Variants in CDH12 observed in about 807,000 individuals in gnomAD.
CDH12 encodes the protein cadherin-12.
Under a neutral mutation model 74.1 loss-of-function variants are expected in CDH12, and 41 were observed. That is an observed-to-expected ratio of 0.55 (90% CI 0.43 to 0.72). The LOEUF is 0.72. CDH12 is among the 30% of genes least tolerant of loss of function. The pLI is 0.00. For missense variants in CDH12, 945 were observed against 977.2 expected (o/e 0.97, Z 0.44); for synonymous variants, 399 against 355.0 (o/e 1.12, Z -1.39).
At chr5:22,829,027 G>C (rs139088264) in intron 1 of CDH12, among the ~76,000 whole-genome samples, 6 of 152,202 alleles carry the variant, frequency 3.9e-5, no homozygotes, top group African/African-American at 1.4e-4. Context: ...AGGTCAAAGT[G>C]GCAGCCTCAA....
At chr5:22,402,918 A>G (rs1223197431) in intron 3 of CDH12, among the ~76,000 whole-genome samples, 1 of 152,220 alleles carries the variant, frequency 6.6e-6, no homozygotes, top group Non-Finnish European at 1.5e-5. Context: ...TATAAGCATA[A>G]ACATTGGCAG....
chr5:22,185,654 T>C (rs997913411), intron 4 of CDH12, among the ~76,000 whole-genome samples: 14 of 152,214 alleles, frequency 9.2e-5, no homozygotes, highest in African/African-American at 3.1e-4. Flanking sequence ...TAGTGCTTAT[T>C]TGTCATAAGG....
intron 1 of CDH12, among the ~76,000 whole-genome samples, chr5:22,715,076 C>T (rs922840585): frequency 6.6e-6 from 1 of 152,104 alleles, no homozygotes. Context: ...CTTTGCCATC[C>T]TGCACATCTG....
At chr5:22,294,352 A>T (rs893517296) in intron 3 of CDH12, among the ~76,000 whole-genome samples, 2 of 152,162 alleles carry the variant, frequency 1.3e-5, no homozygotes, top group Non-Finnish European at 2.9e-5. Context: ...TTTAACAGAG[A>T]CTTAAGAACA....
chr5:22,551,036 C>T (rs1443267346), intron 1 of CDH12, among the ~76,000 whole-genome samples: 1 of 152,164 alleles, frequency 6.6e-6, no homozygotes, highest in African/African-American at 2.4e-5. Flanking sequence ...GTTTGACTTT[C>T]TCACCACACA....
chr5:22,424,002 C>CAAAAAAAAAAAAAAAAAAAAAAAAAA (rs1165781089), intron 2 of CDH12, among the ~76,000 whole-genome samples: 1 of 31,226 alleles, frequency 3.2e-5, no homozygotes, highest in African/African-American at 1.0e-4. Flanking sequence ...GACTCTGTCT[C>CAAAAAAAAAAAAAAAAAAAAAAAAAA]AAAAAAAAAA....
chr5:22,807,348 C>A lies in CDH12; in HGVS notation c.-523+45710G>T, dbSNP rs1246343262. Among the ~76,000 whole-genome samples, 13 of 152,098 alleles carry A rather than the reference C, an allele frequency of 8.5e-5. 1 individual carries two copies. The highest frequency in any genetic ancestry group is 2.9e-5 in the Non-Finnish European group (2 of 68,006). ...AGTTTCTTTTGAATGCATCCTTGCACATATTACTGTTTATACATTTTTAGA... is the reference window on the plus strand; with the variant it reads ...AGTTTCTTTTGAATGCATCCTTGCAAATATTACTGTTTATACATTTTTAGA... On this transcript the variant is annotated intron_variant, in intron 1 of 14. Transcript: ENST00000382254.
At chr5:22,294,639 A>G (rs1322220886) in intron 3 of CDH12, among the ~76,000 whole-genome samples, 1 of 152,184 alleles carries the variant, frequency 6.6e-6, no homozygotes, top group Non-Finnish European at 1.5e-5. Flanking sequence ...GAGTTGCTTT[A>G]GCCTCCACAG....
chr5:21,886,676 C>A (rs1752651096), intron 6 of CDH12, among the ~76,000 whole-genome samples: 1 of 150,624 alleles, frequency 6.6e-6, no homozygotes, highest in South Asian at 2.1e-4. Context: ...TCAAATATTA[C>A]ACATAAGCAC....
intron 1 of CDH12, among the ~76,000 whole-genome samples, chr5:22,626,310 C>T (rs1287633351): frequency 6.6e-6 from 1 of 152,210 alleles, no homozygotes; most frequent in Admixed American, 6.5e-5. Flanking sequence ...ACTGCCACCA[C>T]CCCTACAGAG....
intron 9 of CDH12, among the ~76,000 whole-genome samples, chr5:21,812,478 T>C (rs574138305): frequency 1.3e-5 from 2 of 152,134 alleles, no homozygotes; most frequent in African/African-American, 2.4e-5. Context: ...GGATTCCTAA[T>C]GATAATTGCA....
intron 6 of CDH12, among the ~76,000 whole-genome samples, chr5:21,878,615 G>T (rs1431218447): frequency 1.3e-5 from 2 of 150,674 alleles, no homozygotes; most frequent in Non-Finnish European, 3.0e-5. Context: ...TGGTGGCATG[G>T]CCTGTGGTCC....
intron 6 of CDH12, among the ~76,000 whole-genome samples, chr5:21,944,981 T>C (rs1755505133): frequency 6.6e-6 from 1 of 152,054 alleles, no homozygotes; most frequent in African/African-American, 2.4e-5. Context: ...TACACATCAA[T>C]AGGGAACCAT....
At chr5:22,541,034 T>C (rs532989282) in intron 1 of CDH12, among the ~76,000 whole-genome samples, 2 of 152,334 alleles carry the variant, frequency 1.3e-5, no homozygotes, top group Admixed American at 1.3e-4. Context: ...GTTCTGTCTC[T>C]TGGTCTCCAA....
chr5:21,752,824 G>A (rs1744175536), intron 14 of CDH12, among the ~76,000 whole-genome samples: 1 of 151,794 alleles, frequency 6.6e-6, no homozygotes, highest in Non-Finnish European at 1.5e-5. Context: ...GAGGAAGGAG[G>A]AAGGAAGGAA....
At chr5:22,627,990 G>GA (rs1473570958) in intron 1 of CDH12, among the ~76,000 whole-genome samples, 48 of 151,658 alleles carry the variant, frequency 3.2e-4, no homozygotes, top group African/African-American at 1.0e-3. Context: ...AAATTAAAAA[G>GA]AAAAAACACA....
intron 1 of CDH12, among the ~76,000 whole-genome samples, chr5:22,518,599 G>A (rs1290406458): frequency 6.6e-6 from 1 of 152,146 alleles, no homozygotes; most frequent in East Asian, 1.9e-4. Flanking sequence ...TGACATAAAT[G>A]TTGAAAGACA....
At position 21,778,091 on chromosome 5, in the gene CDH12, A is replaced by G. The variant is rs923068337; in HGVS notation, c.1393+5267T>C. The stretch of plus-strand genomic sequence containing the variant: ...ACTTGAGCAACATCTCCCAATCACA[A>G]CCCCTAAAGTATTTAAAATAAATAA... On this transcript the variant is annotated intron_variant, in intron 11 of 14. Transcript: ENST00000382254. Among the ~76,000 whole-genome samples the G allele has an allele frequency of 1.6e-4, 24 of 152,124 alleles. 1 individual carries two copies. Among genetic ancestry groups the G allele is most frequent in the African/African-American group, 5.3e-4 (22 of 41,496 alleles).
intron 2 of CDH12, among the ~76,000 whole-genome samples, chr5:22,482,350 G>A (rs907225291): frequency 1.3e-5 from 2 of 152,078 alleles, no homozygotes; most frequent in Non-Finnish European, 2.9e-5. Context: ...CATGTTAGCT[G>A]ATCATTTGCT....
Sources: gnomAD v4.1 joint callset for allele counts (sites outside exome capture counted in the v4.1 genomes callset) on GRCh38, gnomAD v4.1.1 for gene constraint, MANE v1.5 for transcripts, NCBI Gene and HGNC (gene_info 2026-07-23, HGNC 2026-07-21) for gene names.